GLIPR1L2: variants seen among roughly 807,000 people sequenced by gnomAD.
GLIPR1L2 encodes the protein GLIPR1-like protein 2.
In GLIPR1L2, 21 loss-of-function variants were observed where a neutral mutation model predicts 28.4. The ratio of observed to expected loss-of-function variants is 0.74; its 90% CI spans 0.52 to 1.06. The LOEUF is 1.06. GLIPR1L2 is among the 50% of genes least tolerant of loss of function. GLIPR1L2 has a pLI of 0.00. For synonymous variants in GLIPR1L2, 145 were observed against 139.3 expected (o/e 1.04, Z -0.29); for missense variants, 476 against 416.9 (o/e 1.14, Z -1.23).
intron 1 of GLIPR1L2, among the ~76,000 whole-genome samples, chr12:75,401,811 A>G (rs1027908955): frequency 1.3e-5 from 2 of 152,126 alleles, no homozygotes; most frequent in African/African-American, 4.8e-5. Flanking sequence ...TGGGCACAAT[A>G]TCAAAACACA....
At chr12:75,411,804 A>G (rs998666070) in intron 2 of GLIPR1L2, among the ~76,000 whole-genome samples, 1 of 152,014 alleles carries the variant, frequency 6.6e-6, no homozygotes, top group African/African-American at 2.4e-5. Context: ...AAGGCTTGAG[A>G]TAAAAGAATG....
At position 75,432,523 on chromosome 12, in the gene GLIPR1L2, G is replaced by A. The variant is rs1203471903; in HGVS notation, c.*1362G>A. ...TTTCTCAATGTGTGGTTCCACTGAGGGAAAGAAAAAAAAAAAAACCTAGCA... is the reference window on the plus strand; with the variant it reads ...TTTCTCAATGTGTGGTTCCACTGAGAGAAAGAAAAAAAAAAAAACCTAGCA... On this transcript the variant is annotated 3_prime_UTR_variant, in exon 6 of 6. Coordinates refer to ENST00000550916, the MANE Select transcript of GLIPR1L2 (RefSeq NM_001270396.2). 3 of 130,850 alleles carry A rather than the reference G, an allele frequency of 2.3e-5. No homozygotes were observed. Among genetic ancestry groups the A allele is most frequent in the South Asian group, 2.4e-4 (1 of 4,086 alleles). The allele number at this position is 130,850 out of a possible 1,614,324, so 8.1% of individuals were successfully genotyped here. A position where few individuals can be genotyped will look rare whatever the true frequency, so the allele number is the denominator to read the frequency against.
chr12:75,413,577 T>G (rs1027133696), intron 2 of GLIPR1L2, 21 bp from the exon 3 acceptor site: 31 of 1,366,052 alleles, frequency 2.3e-5, no homozygotes, highest in Non-Finnish European at 2.9e-5. Flanking sequence ...TTTTGTGTCT[T>G]TCTTGAAAAT....
chr12:75,405,418 G>T (rs1038796149), intron 1 of GLIPR1L2, among the ~76,000 whole-genome samples: 5 of 152,122 alleles, frequency 3.3e-5, no homozygotes, highest in African/African-American at 1.2e-4. Flanking sequence ...GAAGAAGAGG[G>T]CTCCCTGCCT....
At chr12:75,397,903 A>AT (rs2045697264) in intron 1 of GLIPR1L2, among the ~76,000 whole-genome samples, 1 of 152,006 alleles carries the variant, frequency 6.6e-6, no homozygotes, top group Non-Finnish European at 1.5e-5. Context: ...GTTGGCATTT[A>AT]TATCTAATCT....
chr12:75,421,591 C>T (rs953027704), intron 3 of GLIPR1L2, among the ~76,000 whole-genome samples: 2 of 152,202 alleles, frequency 1.3e-5, no homozygotes, highest in Non-Finnish European at 2.9e-5. Flanking sequence ...GCTGCCCCCA[C>T]TCAAATGTAT....
rs1312930509 is a variant in GLIPR1L2 at position 75,430,817 on chromosome 12, T to C, written c.698-7T>C. 9 of 1,533,314 alleles carry C rather than the reference T, an allele frequency of 5.9e-6. No homozygotes were observed. The highest frequency in any genetic ancestry group is 7.9e-6 in the Non-Finnish European group (9 of 1,145,474). 95.0% of individuals were successfully genotyped at this position (1,533,314 alleles called of 1,614,324 possible). A position where few individuals can be genotyped will look rare whatever the true frequency, so the allele number is the denominator to read the frequency against. On this transcript the variant is annotated splice_polypyrimidine_tract_variant and splice_region_variant and intron_variant, in intron 5 of 5. Transcript: ENST00000550916. Reference sequence around the variant, plus strand: ...AATCCAGCTTTCAATTGCTTCTTTGTTTACAGATTACCGATTTTGGTATCC... The same window carrying C: ...AATCCAGCTTTCAATTGCTTCTTTGCTTACAGATTACCGATTTTGGTATCC...
rs779886245 is a variant in GLIPR1L2 at position 75,391,178 on chromosome 12, G to A, written c.62G>A (p.Gly21Glu). 3.7e-6 allele frequency: 6 copies of A among 1,614,234 alleles called. No individual in the cohort carries two copies. The South Asian group carries it at 5.5e-5, about 15-fold the overall frequency. ...GCCCAGTCCCTACCCCTGGCAGTAG[G>A]GGGCGTTTTGAAGCTGCGGCTCTGT... ...WRAQSLPLAV[G>E]GVLKLRLCEL... The change falls in exon 1 of 6, where the codon GGG becomes GAG. Residue 21 changes from glycine (G) to glutamate (E), a missense_variant. Physicochemically the swap from Gly to Glu is moderately conservative, Grantham distance 98. Transcript: ENST00000550916.
intron 1 of GLIPR1L2, chr12:75,391,609 C>G (rs1309774670): frequency 8.7e-7 from 1 of 1,154,330 alleles, no homozygotes; most frequent in Non-Finnish European, 1.2e-6. Flanking sequence ...TTTAAGGGGG[C>G]GCCAATTCAA....
chr12:75,402,870 G>T (rs1424850274), intron 1 of GLIPR1L2: 1 of 408,488 alleles, frequency 2.4e-6, no homozygotes, highest in East Asian at 7.1e-5. Context: ...TGTTCCATGG[G>T]TATAAATCCC....
intron 3 of GLIPR1L2, among the ~76,000 whole-genome samples, chr12:75,419,671 G>T (rs2045957585): frequency 6.6e-6 from 1 of 152,196 alleles, no homozygotes; most frequent in Non-Finnish European, 1.5e-5. Flanking sequence ...CTGTTTAACT[G>T]TTTTAACTGT....
At chr12:75,392,024 A>G (rs1425590097) in intron 1 of GLIPR1L2, among the ~76,000 whole-genome samples, 1 of 152,136 alleles carries the variant, frequency 6.6e-6, no homozygotes, top group Non-Finnish European at 1.5e-5. Flanking sequence ...TTAACAACTC[A>G]ACTATTCCCT....
intron 4 of GLIPR1L2, among the ~76,000 whole-genome samples, chr12:75,427,156 TACTA>T (rs1305843768): frequency 6.6e-6 from 1 of 152,154 alleles, no homozygotes; most frequent in African/African-American, 2.4e-5. Context: ...GGGCCAAAGA[TACTA>T]AATAGAATAT....
In GLIPR1L2 at chr12:75,391,285, T is replaced by C. The variant is rs773621549; in HGVS notation, c.169T>C (p.Tyr57His). 8 of 1,614,076 alleles carry C rather than the reference T, an allele frequency of 5.0e-6. No homozygotes were observed. In the African/African-American group the frequency reaches 9.3e-5, roughly 19 times the overall value. ...GGAGGACGTAGACTTTATCAACGAG[T>C]ACGTGAACCTCCACAATGAGCTGCG... Reference protein sequence around the residue: ...DEEDVDFINEYVNLHNELRGD... With the variant: ...DEEDVDFINEHVNLHNELRGD... Residue 57 changes from tyrosine to histidine, a missense_variant, in exon 1 of 6, where the codon TAC becomes CAC. Tyr to His is a moderately conservative substitution (Grantham distance 83). Coordinates refer to ENST00000550916, the MANE Select transcript of GLIPR1L2 (RefSeq NM_001270396.2).
At chr12:75,426,898 C>A (rs984817705) in intron 4 of GLIPR1L2, among the ~76,000 whole-genome samples, 1 of 152,010 alleles carries the variant, frequency 6.6e-6, no homozygotes, top group African/African-American at 2.4e-5. Flanking sequence ...TTCTCATGAG[C>A]ACTTCTTCAA....
rs772554958 is a variant in GLIPR1L2, at chr12:75,422,908, A to G, written c.589A>G (p.Thr197Ala). The change falls in exon 4 of 6, where the codon ACA (threonine) becomes GCA (alanine). Residue 197 changes from threonine (T) to alanine (A), a missense_variant. Transcript: ENST00000550916. ...TTTCTGCTTTTTTGTTTGTAGAGGA[A>G]CACTGACGAGAAGACCTTATGAACC... ...IFICNYAPGG[T>A]LTRRPYEPGI... 1.0e-5 allele frequency: 16 copies of G among 1,605,148 alleles called. No individual in the cohort carries two copies. In the Admixed American group the frequency reaches 2.8e-4, roughly 28 times the overall value.
chr12:75,391,294 C>G lies in GLIPR1L2; in HGVS notation c.178C>G (p.Leu60Val). ...AGACTTTATCAACGAGTACGTGAAC[C>G]TCCACAATGAGCTGCGGGGCGACGT... is the stretch of plus-strand genomic sequence containing the variant. ...DVDFINEYVNLHNELRGDVIP... is the reference protein window; with the variant it reads ...DVDFINEYVNVHNELRGDVIP... The change falls in exon 1 of 6, where the codon CTC becomes GTC. Residue 60 changes from leucine to valine, a missense_variant. Physicochemically the swap from Leu to Val is conservative, Grantham distance 32 (BLOSUM62 1). Transcript: ENST00000550916. 1 of 1,614,226 alleles carries G rather than the reference C, an allele frequency of 6.2e-7. No homozygotes were observed. The highest frequency in any genetic ancestry group is 1.1e-5 in the South Asian group (1 of 91,088).
chr12:75,400,677 T>A (rs1266365396), intron 1 of GLIPR1L2, among the ~76,000 whole-genome samples: 4 of 152,194 alleles, frequency 2.6e-5, no homozygotes, highest in Non-Finnish European at 5.9e-5. Context: ...AAAAAAATTA[T>A]TTTTAAAACA....
rs2046099998 is a variant in GLIPR1L2, at chr12:75,432,443, A to G, written c.*1282A>G. On this transcript the variant is annotated 3_prime_UTR_variant, in exon 6 of 6. Transcript: ENST00000550916. ...AATCACTGCATATCTGATGTTTTCAAATAAAACAATCTCTGTTTTCTGGTT... is the reference window on the plus strand; with the variant it reads ...AATCACTGCATATCTGATGTTTTCAGATAAAACAATCTCTGTTTTCTGGTT... 1.3e-5 allele frequency: 2 copies of G among 152,160 alleles called. No homozygotes were observed. The highest frequency in any genetic ancestry group is 4.8e-5 in the African/African-American group (2 of 41,460). The allele number at this position is 152,160 out of a possible 1,614,324, so 9.4% of individuals were successfully genotyped here.
Sources: gnomAD v4.1 joint callset for allele counts (sites outside exome capture counted in the v4.1 genomes callset) on GRCh38, gnomAD v4.1.1 for gene constraint, MANE v1.5 for transcripts, NCBI Gene and HGNC (gene_info 2026-07-23, HGNC 2026-07-21) for gene names.